Variants in NDUFA9 observed in about 807,000 individuals in gnomAD.
NDUFA9 encodes NADH dehydrogenase [ubiquinone] 1 alpha subcomplex subunit 9, mitochondrial.
Under a neutral mutation model 45.9 loss-of-function variants are expected in NDUFA9, and 23 were observed. The ratio of observed to expected loss-of-function variants is 0.50; its 90% confidence interval spans 0.36 to 0.71. The LOEUF is 0.71. Ranked by LOEUF, NDUFA9 falls within the 30% of genes least tolerant of loss-of-function variation. The pLI, the probability that NDUFA9 is intolerant of heterozygous loss-of-function variation, is 0.00. For missense variants in NDUFA9, 466 were observed against 488.2 expected, an observed-to-expected ratio of 0.95 and a Z score of 0.43; for synonymous variants, 176 against 170.5, an observed-to-expected ratio of 1.03 and a Z score of -0.25.
Position 4,654,888 on chromosome 12 carries a change from G to T in NDUFA9, c.284G>T (p.Arg95Leu). ...GATAAATATGACATCATGCACCTTC[G>T]TCCCATGGGTGACCTGGGCCAGCTT... is the stretch of plus-strand genomic sequence containing the variant. Reference protein sequence around the residue: ...RCDKYDIMHLRPMGDLGQLLF... With the variant: ...RCDKYDIMHLLPMGDLGQLLF... Residue 95 changes from arginine to leucine, a missense_variant, in exon 3 of 11, where the codon CGT (arginine) becomes CTT (leucine). By Grantham distance (102) the Arg-to-Leu change is moderately radical. Transcript: ENST00000266544. 6.2e-7 allele frequency: 1 copy of T among 1,613,766 alleles called. No homozygotes were observed. The highest frequency in any genetic ancestry group is 8.5e-7 in the Non-Finnish European group (1 of 1,179,880).
intron 7 of NDUFA9, among the ~76,000 whole-genome samples, chr12:4,669,295 A>G (rs1195492408): frequency 6.6e-6 from 1 of 152,228 alleles, no homozygotes; most frequent in East Asian, 1.9e-4. Context: ...GTTTTTGAAA[A>G]TCAAAATGGT....
chr12:4,686,125 C>G (rs137890346), intron 10 of NDUFA9, among the ~76,000 whole-genome samples: 2 of 152,176 alleles, frequency 1.3e-5, no homozygotes, highest in Non-Finnish European at 2.9e-5. Flanking sequence ...GTGTCTCTTA[C>G]GTTTATACTT....
intron 8 of NDUFA9, among the ~76,000 whole-genome samples, chr12:4,679,090 A>G (rs1945937709): frequency 6.6e-6 from 1 of 152,210 alleles, no homozygotes; most frequent in African/African-American, 2.4e-5. Context: ...TTCAACAATA[A>G]AAGGAATGAA....
At chr12:4,658,533 G>A (rs1030209677) in intron 4 of NDUFA9, among the ~76,000 whole-genome samples, 10 of 151,686 alleles carry the variant, frequency 6.6e-5, no homozygotes, top group Non-Finnish European at 1.0e-4. Context: ...TTTCCCTTGC[G>A]GGAAACAAAG....
At chr12:4,667,493 A>G (rs1945859630) in intron 6 of NDUFA9, 2 of 207,924 alleles carry the variant, frequency 9.6e-6, no homozygotes, top group Non-Finnish European at 2.0e-5. Flanking sequence ...TTATTGTACT[A>G]TTGTGAATAA....
intron 2 of NDUFA9, 41 bp from the exon 3 acceptor site, chr12:4,654,784 T>G (rs1591542221): frequency 2.8e-6 from 4 of 1,424,404 alleles, no homozygotes; most frequent in Non-Finnish European, 3.9e-6. Context: ...ATATCCACAT[T>G]ATGTTAATGT....
chr12:4,664,946 T>C (rs1298149688), intron 6 of NDUFA9, among the ~76,000 whole-genome samples: 1 of 152,226 alleles, frequency 6.6e-6, no homozygotes, highest in African/African-American at 2.4e-5. Flanking sequence ...GTCTATCTTA[T>C]GCCTGTCTCA....
At chr12:4,660,588 T>C (rs1945817621) in intron 5 of NDUFA9, among the ~76,000 whole-genome samples, 1 of 151,876 alleles carries the variant, frequency 6.6e-6, no homozygotes, top group African/African-American at 2.4e-5. Context: ...ATACCAATGG[T>C]TAGTAATCTG....
At chr12:4,673,209 C>T (rs1390903231) in intron 8 of NDUFA9, among the ~76,000 whole-genome samples, 3 of 152,152 alleles carry the variant, frequency 2.0e-5, no homozygotes, top group Non-Finnish European at 2.9e-5. Flanking sequence ...AGACCCCAGC[C>T]GAAGGTCACT....
At chr12:4,651,644 C>T (rs1012984947) in intron 1 of NDUFA9, among the ~76,000 whole-genome samples, 14 of 152,134 alleles carry the variant, frequency 9.2e-5, no homozygotes, top group Admixed American at 2.6e-4. Context: ...TATGTTTAAT[C>T]CTCTTAACAG....
At chr12:4,671,378 A>G in intron 8 of NDUFA9, among the ~76,000 whole-genome samples, 1 of 152,280 alleles carries the variant, frequency 6.6e-6, no homozygotes, top group South Asian at 2.1e-4. Flanking sequence ...AAAATTAAGA[A>G]AAGAATTTTA....
Position 4,657,857 on chromosome 12 carries a change from G to A in NDUFA9, c.410+18G>A. 6.3e-7 allele frequency: 1 copy of A among 1,584,312 alleles called. No individual in the cohort carries two copies. Among genetic ancestry groups the A allele is most frequent in the Non-Finnish European group, 8.7e-7 (1 of 1,153,116 alleles). On this transcript the variant is annotated intron_variant, in intron 4 of 10. Coordinates refer to ENST00000266544, the MANE Select transcript of NDUFA9 (RefSeq NM_005002.5). ...GAAACCAAGTAAGTCTTTGACTCTT[G>A]TTTCTTCTTTGCTTAAGTCTTTCTT...
chr12:4,652,554 A>G (rs1945765949), intron 1 of NDUFA9, among the ~76,000 whole-genome samples: 1 of 152,138 alleles, frequency 6.6e-6, no homozygotes, highest in Non-Finnish European at 1.5e-5. Flanking sequence ...CACTTTCAGC[A>G]TTTGGTAAAG....
rs1412490647 is a variant in NDUFA9 at position 4,693,857 on chromosome 12, TC to T, written c.*6753del. ...GTAAGGGAATCGAGATTATCTAGTT[TC>T]CCCTCGACATTTTATAACTGAATAA... On this transcript the variant is annotated 3_prime_UTR_variant, in exon 11 of 11. Coordinates refer to ENST00000266544, the MANE Select transcript of NDUFA9 (RefSeq NM_005002.5). The T allele has an allele frequency of 6.6e-6, 1 of 152,146 alleles. No homozygotes were observed. The highest frequency in any genetic ancestry group is 1.5e-5 in the Non-Finnish European group (1 of 68,030). The allele number at this position is 152,146 out of a possible 1,614,324, so 9.4% of individuals were successfully genotyped here. A position where few individuals can be genotyped will look rare whatever the true frequency, so the allele number is the denominator to read the frequency against.
In NDUFA9 at chr12:4,669,795, G is replaced by A. The variant is rs1376743262; in HGVS notation, c.778G>A (p.Gly260Arg). 34 of 1,612,690 alleles carry A rather than the reference G, an allele frequency of 2.1e-5. No individual in the cohort carries two copies. Among genetic ancestry groups the A allele is most frequent in the Non-Finnish European group, 2.6e-5 (31 of 1,178,880 alleles). The change falls in exon 8 of 11, where the codon GGG (glycine) becomes AGG (arginine). Residue 260 changes from glycine to arginine, a missense_variant. Transcript: ENST00000266544. ...VNAVKDPDAN[G>R]KSFAFVGPSR... ...TGCAGTTAAGGATCCTGATGCCAATGGGAAATCCTTTGCTTTCGTTGGGTA... is the reference window on the plus strand; with the variant it reads ...TGCAGTTAAGGATCCTGATGCCAATAGGAAATCCTTTGCTTTCGTTGGGTA...
intron 1 of NDUFA9, chr12:4,653,705 C>CTT (rs200108366): frequency 4.4e-4 from 149 of 336,288 alleles, no homozygotes; most frequent in East Asian, 6.1e-4. Context: ...GAACTGCATT[C>CTT]TTTTTTTTTT....
Position 4,654,923 on chromosome 12 carries a change from G to A in NDUFA9, c.318+1G>A, listed in dbSNP as rs1417026828. The stretch of plus-strand genomic sequence containing the variant: ...TGACCTGGGCCAGCTTCTGTTTCTG[G>A]TAAGGGCCTTTATGACTGAATGAAG... On this transcript the variant is annotated splice_donor_variant, in intron 3 of 10. Coordinates refer to ENST00000266544, the MANE Select transcript of NDUFA9 (RefSeq NM_005002.5). LOFTEE classifies it high-confidence loss of function. The A allele has an allele frequency of 1.9e-6, 3 of 1,610,466 alleles. No homozygotes were observed. The highest frequency in any genetic ancestry group is 1.7e-5 in the Admixed American group (1 of 59,604).
intron 8 of NDUFA9, among the ~76,000 whole-genome samples, chr12:4,677,135 G>C (rs1212549142): frequency 6.6e-6 from 1 of 152,040 alleles, no homozygotes; most frequent in Admixed American, 6.6e-5. Context: ...CCTTACACCT[G>C]ATACAAAAAT....
chr12:4,672,926 T>C (rs1346429618), intron 8 of NDUFA9, among the ~76,000 whole-genome samples: 1 of 152,206 alleles, frequency 6.6e-6, no homozygotes, highest in East Asian at 1.9e-4. Flanking sequence ...CCCCCGTGTA[T>C]CCTGACTGGG....
Sources: allele counts gnomAD v4.1 joint callset (sites outside exome capture counted in the v4.1 genomes callset), GRCh38; gene constraint gnomAD v4.1.1; transcripts MANE v1.5; gene names NCBI Gene and HGNC (gene_info 2026-07-23, HGNC 2026-07-21).